Variants in MAPRE2 observed in about 807,000 individuals in gnomAD.
The protein encoded by MAPRE2 is microtubule associated protein RP/EB family member 2, also known as microtubule-associated protein RP/EB family member 2.
Under a neutral mutation model 43.2 loss-of-function variants are expected in MAPRE2, and 13 were observed. The observed-to-expected ratio is 0.30, with a 90% CI of 0.20 to 0.48. The LOEUF (loss-of-function observed/expected upper bound fraction) is 0.48, where lower values mean the gene tolerates loss of function less well. Ranked by LOEUF, MAPRE2 falls within the 20% of genes least tolerant of loss-of-function variation. The pLI is 0.99. For synonymous variants in MAPRE2, 135 were observed against 148.8 expected (o/e 0.91, Z 0.68); for missense variants, 161 against 400.2 (o/e 0.40, Z 5.10).
At chr18:34,980,031 C>CTTTTTTTTTTTTTTT (rs796434537) in intron 1 of MAPRE2, among the ~76,000 whole-genome samples, 279 of 45,966 alleles carry the variant, frequency 6.1e-3, no homozygotes, top group Non-Finnish European at 7.9e-3. Context: ...TTCTTTTTTT[C>CTTTTTTTTTTTTTTT]TTTTTTTTTT....
At chr18:35,025,438 C>T (rs998987044) in intron 2 of MAPRE2, among the ~76,000 whole-genome samples, 3 of 152,120 alleles carry the variant, frequency 2.0e-5, no homozygotes, top group African/African-American at 7.2e-5. Context: ...CCAATAATCC[C>T]CTATGAATTT....
At chr18:35,140,103 G>C (rs1910561714) in intron 6 of MAPRE2, among the ~76,000 whole-genome samples, 192 bp from the exon 7 acceptor site, 1 of 152,226 alleles carries the variant, frequency 6.6e-6, no homozygotes. Flanking sequence ...ATCACATGGG[G>C]AAGCTAAGGC....
Position 35,116,572 on chromosome 18 carries a change from C to T in MAPRE2, c.611-10376C>T, listed in dbSNP as rs575357482. 1.8e-4 allele frequency among the ~76,000 whole-genome samples: 27 copies of T among 152,262 alleles called. No homozygotes were observed. The South Asian group carries it at 5.0e-3, about 28-fold the overall frequency. On this transcript the variant is annotated intron_variant, in intron 4 of 6. Transcript: ENST00000300249. ...CCCTCAAGTTGTTGACTTGAGGCTG[C>T]AGGACCAAGGCTTCAGTTTCTTGCT...
At chr18:35,100,431 A>G (rs1025902268) in intron 3 of MAPRE2, among the ~76,000 whole-genome samples, 4 of 152,178 alleles carry the variant, frequency 2.6e-5, no homozygotes, top group African/African-American at 9.7e-5. Flanking sequence ...GCTAAAAACA[A>G]CTACCATTCA....
chr18:35,094,804 C>G (rs547620433), intron 2 of MAPRE2, among the ~76,000 whole-genome samples: 2 of 152,296 alleles, frequency 1.3e-5, no homozygotes, highest in South Asian at 4.1e-4. Context: ...GCTCAGGACT[C>G]TAGACCCCAC....
At chr18:35,036,924 G>A (rs1366299348), upstream of MAPRE2, among the ~76,000 whole-genome samples, 4 of 152,114 alleles carry the variant, frequency 2.6e-5, no homozygotes, top group Non-Finnish European at 4.4e-5. Flanking sequence ...TCTGTCTGGT[G>A]CATAGAAAAT....
chr18:35,070,283 G>T lies in MAPRE2; in HGVS notation c.211G>T (p.Val71Leu). 6.2e-7 allele frequency: 1 copy of T among 1,610,716 alleles called. No individual in the cohort carries two copies. The highest frequency in any genetic ancestry group is 8.5e-7 in the Non-Finnish European group (1 of 1,178,212). The change falls in exon 2 of 7, where the codon GTA becomes TTA. Residue 71 changes from valine (V) to leucine (L), a missense_variant. This residue lies in a region of MAPRE2 where 65 missense variants were observed against 246.9 expected (regional missense o/e 0.26). Coordinates refer to ENST00000300249, the MANE Select transcript of MAPRE2 (RefSeq NM_014268.4). ...CATCATTGCATGGGTTAATGACATA[G>T]TATCTTTAAACTACACAAAAGTGGA... is the stretch of plus-strand genomic sequence containing the variant. ...HDIIAWVNDI[V>L]SLNYTKVEQL...
chr18:35,085,913 T>G (rs1907853282), intron 2 of MAPRE2, among the ~76,000 whole-genome samples: 1 of 152,220 alleles, frequency 6.6e-6, no homozygotes, highest in African/African-American at 2.4e-5. Context: ...CCATTCTTTG[T>G]TGATACTAGC....
chr18:35,095,402 G>GCACACA (rs1190479436), intron 2 of MAPRE2, among the ~76,000 whole-genome samples: 27 of 93,836 alleles, frequency 2.9e-4, no homozygotes, highest in African/African-American at 5.1e-4. Flanking sequence ...ACACACACAC[G>GCACACA]CACACACACA....
In MAPRE2 at chr18:35,127,013, A is replaced by C. The variant is rs775251568; in HGVS notation, c.676A>C (p.Arg226=). 4.3e-6 allele frequency: 7 copies of C among 1,614,050 alleles called. No individual in the cohort carries two copies. Among genetic ancestry groups the C allele is most frequent in the Non-Finnish European group, 5.9e-6 (7 of 1,180,012 alleles). The change falls in exon 5 of 7, where the codon AGG becomes CGG. Residue 226 remains arginine, a synonymous_variant. Coordinates refer to ENST00000300249, the MANE Select transcript of MAPRE2 (RefSeq NM_014268.4). ...ACCTTCTCGACCCTCATCAGCCAAAAGGGCTTCTTCCAGTGGCTCAGCATC... is the reference window on the plus strand; with the variant it reads ...ACCTTCTCGACCCTCATCAGCCAAACGGGCTTCTTCCAGTGGCTCAGCATC... The part of the protein sequence containing the change: ...STPSRPSSAK[R]ASSSGSASKS...
chr18:35,023,681 A>G (rs1404490812), intron 2 of MAPRE2, among the ~76,000 whole-genome samples: 1 of 152,058 alleles, frequency 6.6e-6, no homozygotes, highest in East Asian at 1.9e-4. Context: ...CAATTGGAGA[A>G]GAATTGGTAA....
intron 2 of MAPRE2, among the ~76,000 whole-genome samples, chr18:35,075,706 A>G (rs963358550): frequency 1.3e-5 from 2 of 152,068 alleles, no homozygotes; most frequent in African/African-American, 4.8e-5. Context: ...TGCTAATTTT[A>G]AAAGTTTACA....
intron 1 of MAPRE2, among the ~76,000 whole-genome samples, chr18:34,989,582 G>A (rs929560970): frequency 7.9e-5 from 12 of 152,120 alleles, no homozygotes; most frequent in Admixed American, 3.3e-4. Flanking sequence ...GCATGGTGCC[G>A]TACTTATAGT....
chr18:35,049,752 TGGGAA>T (rs1905841228), intron 1 of MAPRE2, among the ~76,000 whole-genome samples: 2 of 152,200 alleles, frequency 1.3e-5, no homozygotes, highest in Admixed American at 1.3e-4. Flanking sequence ...TGTTGATACT[TGGGAA>T]GGGCAAAATT....
chr18:34,993,208 G>A (rs2097024658), intron 1 of MAPRE2, among the ~76,000 whole-genome samples: 1 of 150,644 alleles, frequency 6.6e-6, no homozygotes, highest in Non-Finnish European at 1.5e-5. Flanking sequence ...GGGCTCAAGT[G>A]ACCCTCCCAA....
intron 1 of MAPRE2, among the ~76,000 whole-genome samples, 195 bp from the exon 2 acceptor site, chr18:35,070,000 G>A (rs898417052): frequency 9.9e-5 from 15 of 152,146 alleles, no homozygotes; most frequent in African/African-American, 2.2e-4. Context: ...ATATAAAATG[G>A]TACTGCATGA....
chr18:35,110,866 G>C (rs770034036), intron 4 of MAPRE2, among the ~76,000 whole-genome samples: 2 of 152,156 alleles, frequency 1.3e-5, no homozygotes, highest in Non-Finnish European at 2.9e-5. Flanking sequence ...TCTGAGTGCA[G>C]TCAAAATTTT....
In MAPRE2 at chr18:35,143,097, A is replaced by G. The variant is rs1400990387; in HGVS notation, c.*2728A>G. On this transcript the variant is annotated 3_prime_UTR_variant, in exon 7 of 7. Coordinates refer to ENST00000300249, the MANE Select transcript of MAPRE2 (RefSeq NM_014268.4). ...AAAAAAAAAAAAAAAAAAGAAAGAA[A>G]AACACCTGTTGACCTGAGAGAAGTA... 1 of 151,896 alleles carries G rather than the reference A, an allele frequency of 6.6e-6. No individual in the cohort carries two copies. The highest frequency in any genetic ancestry group is 2.4e-5 in the African/African-American group (1 of 41,378). 9.4% of individuals were successfully genotyped at this position (151,896 alleles called of 1,614,324 possible).
At chr18:35,008,995 T>G (rs2150582145) in intron 2 of MAPRE2, among the ~76,000 whole-genome samples, 1 of 152,164 alleles carries the variant, frequency 6.6e-6, no homozygotes, top group East Asian at 1.9e-4. Flanking sequence ...CATATATATA[T>G]ATGAATGATG....
Sources: gnomAD v4.1 joint callset for allele counts (sites outside exome capture counted in the v4.1 genomes callset) on GRCh38, gnomAD v4.1.1 for gene constraint, gnomAD v4.1.1 regional missense constraint, MANE v1.5 for transcripts, NCBI Gene and HGNC (gene_info 2026-07-23, HGNC 2026-07-21) for gene names.